Variants in RBPJ observed in about 807,000 individuals in gnomAD.
RBPJ encodes the protein recombining binding protein suppressor of hairless.
A neutral mutation model predicts 67.8 loss-of-function variants in RBPJ; 9 were observed. That is an observed-to-expected ratio of 0.13 (90% confidence interval 0.08 to 0.23). The LOEUF is 0.23. Among genes scored for constraint, RBPJ ranks in the 10% least tolerant of loss-of-function variants. The probability of loss-of-function intolerance (pLI) is 1.00; values close to 1 mark genes in which losing one functional copy is unlikely to be tolerated. For synonymous variants in RBPJ, 198 were observed against 203.3 expected, an observed-to-expected ratio of 0.97 and a Z score of 0.22; for missense variants, 305 against 595.6, an observed-to-expected ratio of 0.51 and a Z score of 5.08.
chr4:26,210,765 T>TTCTTTCTTTCTC, intron 1 of RBPJ, among the ~76,000 whole-genome samples: 1 of 137,188 alleles, frequency 7.3e-6, no homozygotes, highest in Non-Finnish European at 1.6e-5. Context: ...CTTTCTTTCT[T>TTCTTTCTTTCTC]TCTTTCTTTC....
intron 1 of RBPJ, among the ~76,000 whole-genome samples, chr4:26,259,722 A>T (rs191755134): frequency 3.0e-4 from 46 of 152,316 alleles, no homozygotes; most frequent in African/African-American, 1.1e-3. Flanking sequence ...GGTGTTGGCT[A>T]TTGTCTCTGC....
the RBPJ span, among the ~76,000 whole-genome samples, chr4:26,109,470 A>C: frequency 6.0e-4 from 23 of 38,558 alleles, no homozygotes; most frequent in African/African-American, 2.1e-3. Context: ...CTATATATAT[A>C]TATATATATA....
chr4:26,312,060 C>T (rs1577414406), intron 1 of RBPJ, among the ~76,000 whole-genome samples: 2 of 152,202 alleles, frequency 1.3e-5, no homozygotes, highest in Non-Finnish European at 2.9e-5. Flanking sequence ...GAGTGGAACT[C>T]AGGCCCTTAA....
chr4:26,322,564 C>A (rs990077111), intron 1 of RBPJ, among the ~76,000 whole-genome samples: 1 of 152,044 alleles, frequency 6.6e-6, no homozygotes, highest in African/African-American at 2.4e-5. Flanking sequence ...AGGACAGCAC[C>A]GAAGAGTGCA....
At chr4:26,162,194 A>G (rs1284414349), upstream of RBPJ, among the ~76,000 whole-genome samples, 2 of 152,218 alleles carry the variant, frequency 1.3e-5, no homozygotes, top group African/African-American at 2.4e-5. Context: ...TCAAGGCCCA[A>G]GGGGTTGGGT....
intron 1 of RBPJ, among the ~76,000 whole-genome samples, chr4:26,284,814 C>T (rs1480424914): frequency 6.6e-6 from 1 of 151,850 alleles, no homozygotes; most frequent in East Asian, 1.9e-4. Context: ...CAACAACAAC[C>T]AGTCTGTTGT....
At chr4:26,226,858 A>G (rs1240393342) in intron 1 of RBPJ, among the ~76,000 whole-genome samples, 1 of 152,222 alleles carries the variant, frequency 6.6e-6, no homozygotes, top group Non-Finnish European at 1.5e-5. Flanking sequence ...TTTAATGAGA[A>G]GACTAGGCTG....
chr4:26,391,625 T>C lies in RBPJ; in HGVS notation c.59+5234T>C, dbSNP rs186349259. Among the ~76,000 whole-genome samples, 24 of 152,288 alleles carry C rather than the reference T, an allele frequency of 1.6e-4. No homozygotes were observed. The East Asian group carries it at 4.6e-3, about 29-fold the overall frequency. On this transcript the variant is annotated intron_variant, in intron 2 of 10. Coordinates refer to ENST00000355476, the MANE Select transcript of RBPJ (RefSeq NM_015874.6). ...ATTTCTTAGACACTAAAACACAATC[T>C]GTGGAAGAAATTGATAAATTTTACT...
intron 7 of RBPJ, among the ~76,000 whole-genome samples, chr4:26,427,171 T>C (rs973862011): frequency 2.0e-5 from 3 of 152,060 alleles, no homozygotes; most frequent in Non-Finnish European, 2.9e-5. Context: ...TGTTGGAAAG[T>C]GGACCTGACA....
At chr4:26,303,230 A>AATAT (rs772224810) in intron 1 of RBPJ, among the ~76,000 whole-genome samples, 32 of 144,184 alleles carry the variant, frequency 2.2e-4, no homozygotes, top group African/African-American at 7.8e-4. Context: ...TAAATGAATA[A>AATAT]ATATATATAT....
intron 1 of RBPJ, among the ~76,000 whole-genome samples, chr4:26,248,890 A>G (rs1268416010): frequency 6.6e-6 from 1 of 152,238 alleles, no homozygotes; most frequent in Non-Finnish European, 1.5e-5. Flanking sequence ...GGAGGTAACC[A>G]TTATGTCAAA....
chr4:26,420,248 A>T (rs576081329), intron 4 of RBPJ, among the ~76,000 whole-genome samples: 1 of 152,256 alleles, frequency 6.6e-6, no homozygotes, highest in South Asian at 2.1e-4. Context: ...ACGTTGAGTG[A>T]TAATTCCATG....
the RBPJ span, among the ~76,000 whole-genome samples, chr4:26,139,400 A>G: frequency 2.0e-5 from 3 of 152,268 alleles, no homozygotes; most frequent in Non-Finnish European, 2.9e-5. Flanking sequence ...GGAAGGGGCC[A>G]GGAACAAAGT....
At chr4:26,274,974 G>A (rs1014747629) in intron 1 of RBPJ, among the ~76,000 whole-genome samples, 5 of 151,974 alleles carry the variant, frequency 3.3e-5, no homozygotes, top group African/African-American at 4.8e-5. Context: ...AAAAAGAAAG[G>A]AAAGGAAAAA....
chr4:26,144,677 CCCACA>C, the RBPJ span, among the ~76,000 whole-genome samples: 1 of 152,220 alleles, frequency 6.6e-6, no homozygotes, highest in Non-Finnish European at 1.5e-5. Flanking sequence ...GGCTTAGCCA[CCCACA>C]CCCCAGTAGC....
At chr4:26,124,415 CAT>C in the RBPJ span, among the ~76,000 whole-genome samples, 681 of 62,086 alleles carry the variant, frequency 0.011, 4 homozygotes, top group Middle Eastern at 0.018. Flanking sequence ...AGTATTCCAT[CAT>C]ATATATATAT....
At chr4:26,319,854 A>G, upstream of RBPJ, 1 of 1,598,590 alleles carries the variant, frequency 6.3e-7, no homozygotes, top group Non-Finnish European at 8.6e-7. Flanking sequence ...CTAGGAAAGG[A>G]AAGAGCAAAG....
chr4:26,206,769 A>T (rs1227399847), intron 1 of RBPJ, among the ~76,000 whole-genome samples: 1 of 151,514 alleles, frequency 6.6e-6, no homozygotes, highest in Non-Finnish European at 1.5e-5. Flanking sequence ...AAAAAAAAAA[A>T]ATCCTGGCCA....
the RBPJ span, among the ~76,000 whole-genome samples, chr4:26,128,806 C>T: frequency 6.6e-6 from 1 of 152,074 alleles, no homozygotes; most frequent in African/African-American, 2.4e-5. Context: ...GGGTGGTTTC[C>T]CCCATATTGT....
Sources: allele counts gnomAD v4.1 joint callset (sites outside exome capture counted in the v4.1 genomes callset), GRCh38; gene constraint gnomAD v4.1.1; transcripts MANE v1.5; gene names NCBI Gene and HGNC (gene_info 2026-07-23, HGNC 2026-07-21).